RBFOX1: variants seen among roughly 807,000 people sequenced by gnomAD.
RBFOX1 encodes the protein RNA binding protein fox-1 homolog 1.
In RBFOX1, 8 loss-of-function variants were observed where a neutral mutation model predicts 57.7. The ratio of observed to expected loss-of-function variants is 0.14; its 90% confidence interval spans 0.08 to 0.25. The LOEUF (loss-of-function observed/expected upper bound fraction) is 0.25, where lower values mean the gene tolerates loss of function less well. RBFOX1 is among the 10% of genes least tolerant of loss of function. The pLI, the probability that RBFOX1 is intolerant of heterozygous loss-of-function variation, is 1.00. For missense variants in RBFOX1, 611 were observed against 548.5 expected, an observed-to-expected ratio of 1.11 and a Z score of -1.14; for synonymous variants, 326 against 222.4, an observed-to-expected ratio of 1.47 and a Z score of -4.15.
intron 4 of RBFOX1, among the ~76,000 whole-genome samples, chr16:7,229,338 C>T (rs1303053260): frequency 1.3e-5 from 2 of 152,148 alleles, no homozygotes; most frequent in South Asian, 2.1e-4. Context: ...AATGAAACTG[C>T]TCGGCTTTCC....
At chr16:5,450,030 G>C (rs1006388471) in intron 1 of RBFOX1, among the ~76,000 whole-genome samples, 3 of 152,176 alleles carry the variant, frequency 2.0e-5, no homozygotes, top group Admixed American at 1.3e-4. Context: ...CTATTTGCAA[G>C]GTACTGGGGT....
intron 3 of RBFOX1, among the ~76,000 whole-genome samples, chr16:6,752,202 GTT>G (rs2075059448): frequency 6.6e-6 from 1 of 152,126 alleles, no homozygotes; most frequent in African/African-American, 2.4e-5. Flanking sequence ...TGCTGGCTTT[GTT>G]CCATCAGGCA....
chr16:5,760,017 A>AC (rs973899409), intron 3 of RBFOX1, among the ~76,000 whole-genome samples: 8 of 152,014 alleles, frequency 5.3e-5, no homozygotes, highest in African/African-American at 1.7e-4. Flanking sequence ...TAAAAAAAAA[A>AC]AAAAACCTTG....
intron 3 of RBFOX1, among the ~76,000 whole-genome samples, chr16:5,656,156 C>G (rs534525017): frequency 2.5e-4 from 38 of 152,192 alleles, no homozygotes; most frequent in African/African-American, 8.2e-4. Flanking sequence ...GATTCCAAAC[C>G]TTGTTTCTCT....
chr16:6,911,172 A>C (rs1460984171), intron 3 of RBFOX1, among the ~76,000 whole-genome samples: 1 of 147,798 alleles, frequency 6.8e-6, no homozygotes, highest in African/African-American at 2.5e-5. Flanking sequence ...ATTGCACTCC[A>C]ACCTGGGCAA....
intron 3 of RBFOX1, among the ~76,000 whole-genome samples, chr16:5,624,886 A>T (rs1596494513): frequency 6.6e-6 from 1 of 152,130 alleles, no homozygotes; most frequent in East Asian, 1.9e-4. Flanking sequence ...GGGCTGTTTG[A>T]CCACTTGGAA....
intron 2 of RBFOX1, among the ~76,000 whole-genome samples, chr16:6,394,515 T>TG (rs397753479): frequency 5.3e-5 from 8 of 151,442 alleles, no homozygotes; most frequent in Non-Finnish European, 8.8e-5. Flanking sequence ...TGCTTTTTTT[T>TG]TGTGATTCTG....
intron 1 of RBFOX1, among the ~76,000 whole-genome samples, chr16:6,207,674 G>T (rs781694124): frequency 3.3e-5 from 5 of 152,086 alleles, no homozygotes; most frequent in Non-Finnish European, 7.4e-5. Flanking sequence ...AAAGGTGACA[G>T]TAGACATTTT....
At chr16:6,978,074 C>T (rs553215686) in intron 3 of RBFOX1, among the ~76,000 whole-genome samples, 11 of 152,032 alleles carry the variant, frequency 7.2e-5, no homozygotes, top group South Asian at 4.2e-4. Flanking sequence ...ACCCCGCCCC[C>T]CTTCATGTGG....
At chr16:6,595,257 C>T (rs1399666150) in intron 2 of RBFOX1, among the ~76,000 whole-genome samples, 1 of 152,210 alleles carries the variant, frequency 6.6e-6, no homozygotes, top group Non-Finnish European at 1.5e-5. Flanking sequence ...GCATTCTGCT[C>T]TATCTCTATA....
intron 4 of RBFOX1, among the ~76,000 whole-genome samples, chr16:7,227,548 G>T (rs1254165069): frequency 6.6e-6 from 1 of 152,140 alleles, no homozygotes; most frequent in African/African-American, 2.4e-5. Context: ...TTTCCCTGGG[G>T]GCAGCTTTCG....
At chr16:6,282,976 C>A (rs1043887918) in intron 1 of RBFOX1, among the ~76,000 whole-genome samples, 4 of 152,144 alleles carry the variant, frequency 2.6e-5, no homozygotes, top group Admixed American at 2.0e-4. Flanking sequence ...CTCTGTGTAC[C>A]ATTGTCACCC....
At chr16:6,978,974 A>G (rs1288613409) in intron 3 of RBFOX1, among the ~76,000 whole-genome samples, 1 of 152,212 alleles carries the variant, frequency 6.6e-6, no homozygotes, top group African/African-American at 2.4e-5. Context: ...CACCTGTGCT[A>G]AGGCAGGCAA....
At chr16:6,538,261 A>G (rs1461797271) in intron 2 of RBFOX1, among the ~76,000 whole-genome samples, 1 of 152,168 alleles carries the variant, frequency 6.6e-6, no homozygotes, top group Non-Finnish European at 1.5e-5. Flanking sequence ...AGGCCAAGGC[A>G]GGAAGAGTCC....
chr16:6,847,833 T>G (rs547001537), intron 3 of RBFOX1, among the ~76,000 whole-genome samples: 8 of 152,140 alleles, frequency 5.3e-5, no homozygotes, highest in South Asian at 4.2e-4. Context: ...CACCAAGACT[T>G]CCTTTTGGTG....
chr16:5,306,255 T>C (rs558578572), intron 1 of RBFOX1, among the ~76,000 whole-genome samples: 43 of 152,054 alleles, frequency 2.8e-4, no homozygotes, highest in African/African-American at 1.0e-3. Flanking sequence ...GAACCTTCAG[T>C]GATTTGGATA....
chr16:5,389,013 A>T (rs1254005248), intron 1 of RBFOX1, among the ~76,000 whole-genome samples: 1 of 148,098 alleles, frequency 6.8e-6, no homozygotes, highest in Non-Finnish European at 1.5e-5. Flanking sequence ...AACACGGTGA[A>T]ACCCCATCTC....
chr16:6,624,030 A>G (rs933972964), intron 2 of RBFOX1, among the ~76,000 whole-genome samples: 4 of 152,196 alleles, frequency 2.6e-5, no homozygotes, highest in African/African-American at 9.7e-5. Context: ...TGACTTCCAC[A>G]ATGGTTGAAC....
chr16:5,401,893 C>A (rs1216805316), intron 1 of RBFOX1, among the ~76,000 whole-genome samples: 1 of 152,086 alleles, frequency 6.6e-6, no homozygotes, highest in Non-Finnish European at 1.5e-5. Flanking sequence ...CTCTGTCTCT[C>A]TTTCTTTTCT....
Sources: allele counts gnomAD v4.1 joint callset (sites outside exome capture counted in the v4.1 genomes callset), GRCh38; gene constraint gnomAD v4.1.1; transcripts MANE v1.5; gene names NCBI Gene and HGNC (gene_info 2026-07-23, HGNC 2026-07-21).